The following DROSHA variants were observed in gnomAD, a reference collection of about 807,000 sequenced individuals.
The protein encoded by DROSHA is drosha ribonuclease III, also known as ribonuclease 3.
In DROSHA, 56 loss-of-function variants were observed where a neutral mutation model predicts 181.9. The ratio of observed to expected loss-of-function variants is 0.31; its 90% confidence interval spans 0.25 to 0.38. The LOEUF (loss-of-function observed/expected upper bound fraction) is 0.38. Among genes scored for constraint, DROSHA ranks in the 10% least tolerant of loss-of-function variants. The pLI, the probability that DROSHA is intolerant of heterozygous loss-of-function variation, is 1.00. For synonymous variants in DROSHA, 524 were observed against 591.2 expected, an observed-to-expected ratio of 0.89 and a Z score of 1.65; for missense variants, 1,218 against 1,743.5, an observed-to-expected ratio of 0.70 and a Z score of 5.37.
intron 16 of DROSHA, among the ~76,000 whole-genome samples, chr5:31,482,056 CCTGCCCAAGGGAGACAGGGGCTT>C (rs1751089754): frequency 6.6e-6 from 1 of 152,182 alleles, no homozygotes; most frequent in Non-Finnish European, 1.5e-5. Context: ...GACAAGGGCT[CCTGCCCAAGGGAGACAGGGGCTT>C]CTGCCCATGG....
chr5:31,504,666 T>C lies in DROSHA; in HGVS notation c.1588-31A>G, dbSNP rs541959945. 8 of 1,612,460 alleles carry C rather than the reference T, an allele frequency of 5.0e-6. No homozygotes were observed. The African/African-American group carries it at 8.0e-5, about 16-fold the overall frequency. ...AGAAACACAATGTAATTCGTTTTTA[T>C]TGGAGGGAAAAATCCACACCATGCA... On this transcript the variant is annotated intron_variant, in intron 10 of 35. Transcript: ENST00000344624.
intron 5 of DROSHA, among the ~76,000 whole-genome samples, chr5:31,523,386 C>T (rs946234121): frequency 1.3e-5 from 2 of 152,198 alleles, no homozygotes; most frequent in African/African-American, 4.8e-5. Context: ...TCTTACGACA[C>T]TTGATTTTAC....
In DROSHA at chr5:31,526,350, T is replaced by G; in HGVS notation, c.583A>C (p.Ser195Arg). Residue 195 changes from serine to arginine, a missense_variant, in exon 5 of 36, where the codon AGT becomes CGT. By Grantham distance (110) the Ser-to-Arg change is moderately radical. This residue lies in a region of DROSHA where 536 missense variants were observed against 535.4 expected (regional missense o/e 1.00). Transcript: ENST00000344624. ...FQNNPSSFLP[S>R]ANNSSSPHFR... is the part of the protein sequence containing the mutation. ...TGAGGACTACTGCTGTTATTAGCAC[T>G]GGGCAGGAAAGAACTAGGGTTGTTC... 6.2e-7 allele frequency: 1 copy of G among 1,613,710 alleles called. No homozygotes were observed. The highest frequency in any genetic ancestry group is 1.1e-5 in the South Asian group (1 of 91,060).
At position 31,514,943 on chromosome 5, in the gene DROSHA, G is replaced by A. The variant is rs771904961; in HGVS notation, c.1290+45C>T. On this transcript the variant is annotated intron_variant, in intron 8 of 35. Transcript: ENST00000344624. This position sits in a 1 kb window ranked among gnomAD's most constrained non-coding sequence, Gnocchi z 4.4. ...AGCCCCAAAGGCCAATAGTGACAAC[G>A]CCGAGAAGCCCTAGTCTACAGCTTG... 10 of 1,573,192 alleles carry A rather than the reference G, an allele frequency of 6.4e-6. 1 individual carries two copies. The highest frequency in any genetic ancestry group is 5.7e-5 in the South Asian group (5 of 88,266).
intron 11 of DROSHA, among the ~76,000 whole-genome samples, chr5:31,496,928 T>G (rs116097828): frequency 0.018 from 2,682 of 152,294 alleles, 28 homozygotes; most frequent in Middle Eastern, 0.061. Context: ...TTTGCAGACT[T>G]CCATGGTGTC....
chr5:31,436,741 AACACACACACACACAC>A (rs58046266), intron 24 of DROSHA, among the ~76,000 whole-genome samples: 7,588 of 137,762 alleles, frequency 0.055, 611 homozygotes, highest in African/African-American at 0.18. Flanking sequence ...TCTGGAGAGA[AACACACACACACACAC>A]ACACACACAC....
At chr5:31,530,595 A>C (rs1190520170) in intron 3 of DROSHA, among the ~76,000 whole-genome samples, 2 of 142,984 alleles carry the variant, frequency 1.4e-5, no homozygotes, top group Non-Finnish European at 3.0e-5. Flanking sequence ...GCGCCATTGC[A>C]CTCCAGCCTG....
intron 30 of DROSHA, among the ~76,000 whole-genome samples, chr5:31,417,185 C>T (rs935331657): frequency 2.0e-5 from 3 of 152,018 alleles, no homozygotes; most frequent in East Asian, 1.9e-4. Flanking sequence ...GCGATTTGGC[C>T]GTATAGATTA....
At chr5:31,446,946 G>A (rs1042812289) in intron 23 of DROSHA, among the ~76,000 whole-genome samples, 13 of 152,234 alleles carry the variant, frequency 8.5e-5, no homozygotes, top group South Asian at 8.3e-4. Context: ...TGTCTGAGGC[G>A]TGAGAATCGC....
intron 16 of DROSHA, among the ~76,000 whole-genome samples, chr5:31,472,597 T>C (rs1158793732): frequency 6.6e-6 from 1 of 152,242 alleles, no homozygotes; most frequent in African/African-American, 2.4e-5. Flanking sequence ...TTAAATATTT[T>C]ATCATTCTTT....
At chr5:31,447,542 G>A (rs907884045) in intron 23 of DROSHA, among the ~76,000 whole-genome samples, 3 of 152,082 alleles carry the variant, frequency 2.0e-5, no homozygotes, top group African/African-American at 7.2e-5. Flanking sequence ...GTTTAGTACT[G>A]CAAAGGACGT....
rs555684936 is a variant in DROSHA, at chr5:31,526,148, T to C, written c.785A>G (p.Asp262Gly). The change falls in exon 5 of 36, where the codon GAC (aspartate) becomes GGC (glycine). Residue 262 changes from aspartate to glycine, a missense_variant. Asp to Gly is a moderately conservative substitution (Grantham distance 94). This residue lies in a region of DROSHA where 536 missense variants were observed against 535.4 expected (regional missense o/e 1.00). Coordinates refer to ENST00000344624, the MANE Select transcript of DROSHA (RefSeq NM_001382508.1). ...GTCATAATCAGATCTGTACCGGCTGTCTTGTCTTCTCCTGTCGGGACTGCG... is the reference window on the plus strand; with the variant it reads ...GTCATAATCAGATCTGTACCGGCTGCCTTGTCTTCTCCTGTCGGGACTGCG... Reference protein sequence around the residue: ...RGRSPDRRRQDSRYRSDYDRG... With the variant: ...RGRSPDRRRQGSRYRSDYDRG... The C allele has an allele frequency of 1.5e-4, 236 of 1,613,752 alleles. No homozygotes were observed. In the East Asian group the frequency reaches 4.8e-3, roughly 33 times the overall value.
intron 30 of DROSHA, among the ~76,000 whole-genome samples, chr5:31,416,833 T>C (rs1286147084): frequency 6.6e-6 from 1 of 152,168 alleles, no homozygotes; most frequent in African/African-American, 2.4e-5. Flanking sequence ...AGAAACTATC[T>C]GAAGAGCAAC....
At chr5:31,507,530 A>C (rs924442263) in intron 10 of DROSHA, among the ~76,000 whole-genome samples, 4 of 151,890 alleles carry the variant, frequency 2.6e-5, no homozygotes, top group Admixed American at 6.6e-5. Flanking sequence ...AGGCTGAAGC[A>C]GGTTTGGCCT....
Position 31,483,646 on chromosome 5 carries a change from G to GAAAAAAAAA in DROSHA, c.1997-27_1997-19dup, listed in dbSNP as rs11341915. Reference sequence around the variant, plus strand: ...CAAAGGACCTGAAGCAAACAAATGAGAAAAAAAAAAAAAAAAGAAAACTCA... The same window carrying GAAAAAAAAA: ...CAAAGGACCTGAAGCAAACAAATGAGAAAAAAAAAAAAAAAAAAAAAAAAAGAAAACTCA... On this transcript the variant is annotated intron_variant, in intron 15 of 35. Coordinates refer to ENST00000344624, the MANE Select transcript of DROSHA (RefSeq NM_001382508.1). The GAAAAAAAAA allele has an allele frequency of 9.7e-6, 12 of 1,236,720 alleles. No individual in the cohort carries two copies. The highest frequency in any genetic ancestry group is 3.1e-5 in the South Asian group (2 of 65,318). 76.6% of individuals were successfully genotyped at this position (1,236,720 alleles called of 1,614,324 possible).
In DROSHA at chr5:31,421,492, T is replaced by C. The variant is rs569261253; in HGVS notation, c.3420-115A>G. ...AAAAGACAATGTGTTCATTTTGTTT[T>C]AAAGCACAAAACCAAATACAATTCC... On this transcript the variant is annotated intron_variant, in intron 29 of 35. Coordinates refer to ENST00000344624, the MANE Select transcript of DROSHA (RefSeq NM_001382508.1). 136 of 858,620 alleles carry C rather than the reference T, an allele frequency of 1.6e-4. 4 individuals are homozygous for C. In the South Asian group the frequency reaches 2.1e-3, roughly 13 times the overall value. 53.2% of individuals were successfully genotyped at this position (858,620 alleles called of 1,614,324 possible). A position where few individuals can be genotyped will look rare whatever the true frequency, so the allele number is the denominator to read the frequency against.
Position 31,526,673 on chromosome 5 carries a change from G to A in DROSHA, c.260C>T (p.Pro87Leu), listed in dbSNP as rs530480889. ...GGGGGGAAGAGGGCCTTGCGCTGAC[G>A]GAGGCATGGGTGGGGGGAAGGGTAC... ...DFVPFPPPMP[P>L]SAQGPLPPCP... The change falls in exon 5 of 36, where the codon CCG becomes CTG. Residue 87 changes from proline to leucine, a missense_variant. Coordinates refer to ENST00000344624, the MANE Select transcript of DROSHA (RefSeq NM_001382508.1). 27 of 1,516,928 alleles carry A rather than the reference G, an allele frequency of 1.8e-5. No homozygotes were observed. In the Admixed American group the frequency reaches 2.9e-4, roughly 17 times the overall value. 94.0% of individuals were successfully genotyped at this position (1,516,928 alleles called of 1,614,324 possible).
intron 16 of DROSHA, among the ~76,000 whole-genome samples, chr5:31,480,296 C>CTACA (rs1477206730): frequency 6.7e-6 from 1 of 149,802 alleles, no homozygotes; most frequent in Non-Finnish European, 1.5e-5. Context: ...AATGAGCCAA[C>CTACA]TACAGTTAAG....
At chr5:31,472,317 CA>C (rs3834835) in intron 16 of DROSHA, 85 bp from the exon 17 acceptor site, 64,663 of 1,423,018 alleles carry the variant, frequency 0.045, 3,974 homozygotes, top group East Asian at 0.25. Context: ...AGGAAAAAAA[CA>C]AGACAATGGA....
Sources: gnomAD v4.1 joint callset for allele counts (sites outside exome capture counted in the v4.1 genomes callset) on GRCh38, gnomAD v4.1.1 for gene constraint, gnomAD v4.1.1 regional missense constraint, Gnocchi (gnomAD v3.1) non-coding constraint, MANE v1.5 for transcripts, NCBI Gene and HGNC (gene_info 2026-07-23, HGNC 2026-07-21) for gene names.